Variants in EXOC4 observed in about 807,000 individuals in gnomAD.
EXOC4 encodes the protein exocyst complex component 4.
In EXOC4, 71 loss-of-function variants were observed where a neutral mutation model predicts 107.2. That is an observed-to-expected ratio of 0.66 (90% confidence interval 0.55 to 0.81). EXOC4 has a LOEUF of 0.81. Ranked by LOEUF, EXOC4 falls within the 30% of genes least tolerant of loss-of-function variation. EXOC4 has a pLI of 0.00. For missense variants in EXOC4, 1,108 were observed against 1,189.6 expected (o/e 0.93, Z 1.01); for synonymous variants, 456 against 441.2 (o/e 1.03, Z -0.42).
At position 133,620,158 on chromosome 7, in the gene EXOC4, G is replaced by A. The variant is rs554954775; in HGVS notation, c.1418-9887G>A. 3.3e-5 allele frequency among the ~76,000 whole-genome samples: 5 copies of A among 151,960 alleles called. No homozygotes were observed. In the South Asian group the frequency reaches 1.0e-3, roughly 32 times the overall value. ...GTGCCTCAGCCTCCCATGTAGCTGGGACCACAAGCGTGCATCACCACACCT... is the reference window on the plus strand; with the variant it reads ...GTGCCTCAGCCTCCCATGTAGCTGGAACCACAAGCGTGCATCACCACACCT... On this transcript the variant is annotated intron_variant, in intron 9 of 17. Transcript: ENST00000253861.
chr7:133,829,065 G>A (rs953702207), intron 11 of EXOC4, among the ~76,000 whole-genome samples: 3 of 152,194 alleles, frequency 2.0e-5, no homozygotes, highest in Non-Finnish European at 2.9e-5. Flanking sequence ...AGTCACTGTA[G>A]GATGTGTAGA....
downstream of EXOC4, chr7:134,065,846 G>A (rs1326241586): frequency 6.6e-6 from 1 of 152,158 alleles, no homozygotes; most frequent in Non-Finnish European, 1.5e-5. Flanking sequence ...CACACACAAG[G>A]GCAAATGGAT....
At chr7:133,563,639 G>A (rs1433654218) in intron 9 of EXOC4, among the ~76,000 whole-genome samples, 2 of 152,120 alleles carry the variant, frequency 1.3e-5, no homozygotes, top group African/African-American at 4.8e-5. Flanking sequence ...AGTAGGAGGT[G>A]TCTGATACAT....
chr7:133,669,688 C>A (rs945613136), intron 10 of EXOC4, among the ~76,000 whole-genome samples: 1 of 151,994 alleles, frequency 6.6e-6, no homozygotes, highest in Non-Finnish European at 1.5e-5. Context: ...AATGCATTTG[C>A]GTATATTTGG....
chr7:133,556,498 C>T (rs1473831369), intron 9 of EXOC4, among the ~76,000 whole-genome samples: 3 of 152,116 alleles, frequency 2.0e-5, no homozygotes, highest in Non-Finnish European at 4.4e-5. Flanking sequence ...TCATGACTCC[C>T]ACACTGTCCA....
chr7:133,659,626 G>A (rs765989974), intron 10 of EXOC4, among the ~76,000 whole-genome samples: 3 of 152,128 alleles, frequency 2.0e-5, no homozygotes, highest in African/African-American at 4.8e-5. Context: ...TGGTCCTTAC[G>A]TTGGACCTAC....
intron 10 of EXOC4, among the ~76,000 whole-genome samples, chr7:133,724,905 A>T (rs1795183431): frequency 6.6e-6 from 1 of 152,226 alleles, no homozygotes; most frequent in South Asian, 2.1e-4. Context: ...ATGAGGTCAG[A>T]GAAGTGGTGT....
intron 11 of EXOC4, among the ~76,000 whole-genome samples, chr7:133,826,805 G>T (rs1229028987): frequency 6.6e-6 from 1 of 152,048 alleles, no homozygotes; most frequent in African/African-American, 2.4e-5. Flanking sequence ...TTTTTCCCCA[G>T]TTTATCACAA....
intron 10 of EXOC4, among the ~76,000 whole-genome samples, chr7:133,777,160 A>G (rs935974101): frequency 1.3e-5 from 2 of 152,016 alleles, no homozygotes; most frequent in African/African-American, 4.8e-5. Context: ...AGGATCTTTA[A>G]TGATTCTTGT....
intron 1 of EXOC4, among the ~76,000 whole-genome samples, chr7:133,265,666 TG>T (rs1255539017): frequency 1.3e-5 from 2 of 152,206 alleles, no homozygotes; most frequent in African/African-American, 4.8e-5. Context: ...CTGAGTTGCT[TG>T]AAGGGATTTC....
At chr7:133,460,298 C>T (rs1056369825) in intron 7 of EXOC4, among the ~76,000 whole-genome samples, 3 of 152,128 alleles carry the variant, frequency 2.0e-5, no homozygotes, top group African/African-American at 7.2e-5. Flanking sequence ...GCTCCCCTGC[C>T]GCTCACCTGC....
intron 10 of EXOC4, among the ~76,000 whole-genome samples, chr7:133,662,329 A>G (rs1417284156): frequency 6.6e-6 from 1 of 152,172 alleles, no homozygotes; most frequent in Non-Finnish European, 1.5e-5. Flanking sequence ...GGACACAGAA[A>G]GAAAGCCAGT....
intron 7 of EXOC4, among the ~76,000 whole-genome samples, chr7:133,431,162 G>A (rs1797847857): frequency 6.6e-6 from 1 of 152,198 alleles, no homozygotes; most frequent in Admixed American, 6.5e-5. Flanking sequence ...TGCCTTCAAA[G>A]TCATCTTGAA....
intron 10 of EXOC4, among the ~76,000 whole-genome samples, chr7:133,815,560 A>T (rs2550989): frequency 0.3 from 45,159 of 152,114 alleles, 6,999 homozygotes; most frequent in South Asian, 0.44. Flanking sequence ...GCTGTCTTAT[A>T]TGCTTTGCAA....
intron 1 of EXOC4, among the ~76,000 whole-genome samples, chr7:133,265,490 A>C (rs1793708396): frequency 6.6e-6 from 1 of 152,064 alleles, no homozygotes; most frequent in Non-Finnish European, 1.5e-5. Flanking sequence ...ATGAGTAGAA[A>C]AGGCAGGGAT....
rs1554477961 is a variant in EXOC4, at chr7:133,604,706, C to CTTTTTTTTT, written c.1418-25336_1418-25335insTTTTTTTTT. Reference sequence around the variant, plus strand: ...TTTTTCTTTCCTTCCTTCCTTCCTTCTTTCTTTTTTTTTTTTTTTTTTTTT... The same window carrying CTTTTTTTTT: ...TTTTTCTTTCCTTCCTTCCTTCCTTCTTTTTTTTTTTTCTTTTTTTTTTTTTTTTTTTTT... On this transcript the variant is annotated intron_variant, in intron 9 of 17. Transcript: ENST00000253861. 5.6e-3 allele frequency among the ~76,000 whole-genome samples: 486 copies of CTTTTTTTTT among 87,450 alleles called. 53 individuals are homozygous for CTTTTTTTTT. Among genetic ancestry groups the CTTTTTTTTT allele is most frequent in the Non-Finnish European group, 7.1e-3 (313 of 43,986 alleles). 57.4% of individuals were successfully genotyped at this position (87,450 alleles called of 152,430 possible).
At chr7:133,352,639 A>G (rs1236046314) in intron 5 of EXOC4, among the ~76,000 whole-genome samples, 2 of 152,012 alleles carry the variant, frequency 1.3e-5, no homozygotes, top group African/African-American at 4.8e-5. Context: ...ATTTACATTT[A>G]AAATAATTAC....
At position 133,870,260 on chromosome 7, in the gene EXOC4, G is replaced by A. The variant is rs145685196; in HGVS notation, c.1735-25339G>A. Among the ~76,000 whole-genome samples, 127 of 152,154 alleles carry A rather than the reference G, an allele frequency of 8.3e-4. No homozygotes were observed. The East Asian group carries it at 0.024, about 29-fold the overall frequency. ...CACACACATCTCCCTACCTCCATTT[G>A]TACTCAAGTGACAAAAATTTTTAAA... On this transcript the variant is annotated intron_variant, in intron 11 of 17. Coordinates refer to ENST00000253861, the MANE Select transcript of EXOC4 (RefSeq NM_021807.4).
intron 17 of EXOC4, among the ~76,000 whole-genome samples, chr7:134,022,663 C>A (rs1795053404): frequency 6.6e-6 from 1 of 152,182 alleles, no homozygotes; most frequent in Non-Finnish European, 1.5e-5. Flanking sequence ...TAATACCAAC[C>A]TCTATGTTGA....
Sources: gnomAD v4.1 joint callset for allele counts (sites outside exome capture counted in the v4.1 genomes callset) on GRCh38, gnomAD v4.1.1 for gene constraint, MANE v1.5 for transcripts, NCBI Gene and HGNC (gene_info 2026-07-23, HGNC 2026-07-21) for gene names.